PDE6D: variants seen among roughly 807,000 people sequenced by gnomAD.
PDE6D encodes the protein retinal rod rhodopsin-sensitive cGMP 3',5'-cyclic phosphodiesterase subunit delta.
Under a neutral mutation model 21.9 loss-of-function variants are expected in PDE6D, and 10 were observed. The observed-to-expected ratio is 0.46, with a 90% confidence interval of 0.28 to 0.78. The LOEUF is 0.78. Among genes scored for constraint, PDE6D ranks in the 30% least tolerant of loss-of-function variants. The pLI is 0.12. For missense variants in PDE6D, 139 were observed against 184.8 expected (o/e 0.75, Z 1.44); for synonymous variants, 59 against 63.5 (o/e 0.93, Z 0.34).
intron 1 of PDE6D, among the ~76,000 whole-genome samples, chr2:231,750,435 G>C (rs1574623892): frequency 6.7e-6 from 1 of 150,324 alleles, no homozygotes; most frequent in Non-Finnish European, 1.5e-5. Flanking sequence ...AAAATTTATG[G>C]TCTTAGTTAT....
rs145491718 is a variant in PDE6D, at chr2:231,775,485, G to GTTT, written c.50+5579_50+5580insAAA. ...CACCACACCTGGCTAATTTTTGTGT[G>GTTT]TGTTTTTTTTTTTTTTTTGTAGAGG... On this transcript the variant is annotated intron_variant, in intron 1 of 4. Transcript: ENST00000287600. Among the ~76,000 whole-genome samples, 60 of 141,000 alleles carry GTTT rather than the reference G, an allele frequency of 4.3e-4. 1 individual carries two copies. The highest frequency in any genetic ancestry group is 8.3e-4 in the African/African-American group (31 of 37,496). The allele number at this position is 141,000 out of a possible 152,430, so 92.5% of individuals were successfully genotyped here.
At chr2:231,759,012 G>A (rs2048905246) in intron 1 of PDE6D, among the ~76,000 whole-genome samples, 1 of 152,096 alleles carries the variant, frequency 6.6e-6, no homozygotes, top group Admixed American at 6.6e-5. Flanking sequence ...AAGGGTTGAG[G>A]CTGGGAATTA....
At chr2:231,762,960 A>G (rs1210306815) in intron 1 of PDE6D, among the ~76,000 whole-genome samples, 1 of 152,080 alleles carries the variant, frequency 6.6e-6, no homozygotes, top group African/African-American at 2.4e-5. Context: ...AAGAAAAGAA[A>G]ATTGCAGCCA....
chr2:231,775,494 T>G (rs534328930), intron 1 of PDE6D, among the ~76,000 whole-genome samples: 1 of 150,326 alleles, frequency 6.7e-6, no homozygotes, highest in African/African-American at 2.4e-5. Context: ...TGTGTTTTTT[T>G]TTTTTTTTTG....
chr2:231,753,376 A>C lies in PDE6D; in HGVS notation c.51-14188T>G, dbSNP rs561263148. On this transcript the variant is annotated intron_variant, in intron 1 of 4. Coordinates refer to ENST00000287600, the MANE Select transcript of PDE6D (RefSeq NM_002601.4). ...GTCTGTACTAAAAAATACAAAAAAA[A>C]CCCCAAAAAACAAAAAACAAAAAAC... 8.2e-3 allele frequency among the ~76,000 whole-genome samples: 1,244 copies of C among 150,844 alleles called. 19 individuals carry two copies. The highest frequency in any genetic ancestry group is 0.024 in the African/African-American group (976 of 41,280).
intron 1 of PDE6D, among the ~76,000 whole-genome samples, chr2:231,754,446 T>C (rs552133320): frequency 2.2e-3 from 317 of 146,460 alleles, no homozygotes; most frequent in African/African-American, 7.7e-3. Context: ...AACCTCCACC[T>C]CCCAAGTTCA....
intron 1 of PDE6D, among the ~76,000 whole-genome samples, chr2:231,766,713 C>A (rs927494993): frequency 6.6e-6 from 1 of 152,004 alleles, no homozygotes; most frequent in Non-Finnish European, 1.5e-5. Flanking sequence ...TGAAAGCTGG[C>A]GGGGCATGGT....
intron 4 of PDE6D, among the ~76,000 whole-genome samples, chr2:231,735,302 ATTT>A (rs576327627): frequency 7.6e-6 from 1 of 132,016 alleles, no homozygotes; most frequent in Non-Finnish European, 1.6e-5. Context: ...TTCTATTACA[ATTT>A]TTTTTTTTTT....
chr2:231,740,213 T>C (rs769870587), intron 1 of PDE6D, among the ~76,000 whole-genome samples: 15 of 152,186 alleles, frequency 9.9e-5, no homozygotes, highest in Non-Finnish European at 2.1e-4. Context: ...ATTTATATTT[T>C]CTAGTTTCTG....
chr2:231,747,819 G>A (rs2048806670), intron 1 of PDE6D, among the ~76,000 whole-genome samples: 1 of 152,124 alleles, frequency 6.6e-6, no homozygotes, highest in African/African-American at 2.4e-5. Context: ...ACAGCCTCAG[G>A]TCCTGGTGTC....
At chr2:231,744,801 A>T (rs2048780539) in intron 1 of PDE6D, among the ~76,000 whole-genome samples, 1 of 152,232 alleles carries the variant, frequency 6.6e-6, no homozygotes, top group East Asian at 1.9e-4. Flanking sequence ...ATGTTTAGCC[A>T]GTTCAATATA....
At chr2:231,779,071 T>G in intron 1 of PDE6D, 1 of 152,252 alleles carries the variant, frequency 6.6e-6, no homozygotes, top group East Asian at 1.9e-4. Context: ...ATCTTAACAT[T>G]CCTGCTTTTC....
chr2:231,769,888 C>A (rs2049001665), intron 1 of PDE6D, among the ~76,000 whole-genome samples: 2 of 152,158 alleles, frequency 1.3e-5, no homozygotes, highest in African/African-American at 4.8e-5. Context: ...TAACAGGAAC[C>A]CTCGAGTTGG....
chr2:231,751,319 C>T (rs541238457), intron 1 of PDE6D, among the ~76,000 whole-genome samples: 1 of 152,222 alleles, frequency 6.6e-6, no homozygotes, highest in South Asian at 2.1e-4. Flanking sequence ...CCTCGTGTGG[C>T]TAATTTTTTA....
At chr2:231,765,030 G>A (rs572157409) in intron 1 of PDE6D, among the ~76,000 whole-genome samples, 1 of 151,670 alleles carries the variant, frequency 6.6e-6, no homozygotes, top group East Asian at 1.9e-4. Flanking sequence ...GGAGGCCAAA[G>A]CAGGAAGACT....
intron 1 of PDE6D, among the ~76,000 whole-genome samples, 200 bp downstream of exon 1, chr2:231,780,865 C>T (rs1328680555): frequency 6.6e-6 from 1 of 152,222 alleles, no homozygotes; most frequent in Non-Finnish European, 1.5e-5. Context: ...TCAACGTCCC[C>T]TTCCTCCCTC....
chr2:231,750,776 G>A (rs2048833833), intron 1 of PDE6D, among the ~76,000 whole-genome samples: 1 of 150,504 alleles, frequency 6.6e-6, no homozygotes, highest in South Asian at 2.1e-4. Context: ...CCAAAGTGCT[G>A]GAATTACAGG....
intron 1 of PDE6D, among the ~76,000 whole-genome samples, chr2:231,745,231 C>CAA (rs1216652746): frequency 1.3e-5 from 2 of 151,216 alleles, no homozygotes; most frequent in Non-Finnish European, 1.5e-5. Context: ...CAAAAACACA[C>CAA]AAAAAAAACC....
At chr2:231,777,999 G>A (rs2106290410) in intron 1 of PDE6D, among the ~76,000 whole-genome samples, 1 of 152,348 alleles carries the variant, frequency 6.6e-6, no homozygotes, top group East Asian at 1.9e-4. Context: ...CAGGCACGGT[G>A]GCTCATGCCT....
Sources: gnomAD v4.1 joint callset for allele counts (sites outside exome capture counted in the v4.1 genomes callset) on GRCh38, gnomAD v4.1.1 for gene constraint, MANE v1.5 for transcripts, NCBI Gene and HGNC (gene_info 2026-07-23, HGNC 2026-07-21) for gene names.